GLI3: variants seen among roughly 807,000 people sequenced by gnomAD.
The protein encoded by GLI3 is transcription activator GLI3.
In GLI3, 20 loss-of-function variants were observed where a neutral mutation model predicts 100.8. The observed-to-expected ratio is 0.20, with a 90% confidence interval of 0.14 to 0.29. The LOEUF (loss-of-function observed/expected upper bound fraction) is 0.29, where lower values mean the gene tolerates loss of function less well. Among genes scored for constraint, GLI3 ranks in the 10% least tolerant of loss-of-function variants. The pLI is 1.00. For missense variants in GLI3, 2,040 were observed against 2,128.5 expected (o/e 0.96, Z 0.82); for synonymous variants, 938 against 860.5 (o/e 1.09, Z -1.58).
At chr7:42,175,415 C>G (rs1249541873) in intron 2 of GLI3, among the ~76,000 whole-genome samples, 1 of 152,096 alleles carries the variant, frequency 6.6e-6, no homozygotes, top group Admixed American at 6.5e-5. Flanking sequence ...GTCAGGAGTT[C>G]GAGACCAGCC....
chr7:42,191,523 A>C (rs1364302479), intron 2 of GLI3, among the ~76,000 whole-genome samples: 2 of 152,038 alleles, frequency 1.3e-5, no homozygotes, highest in African/African-American at 2.4e-5. Flanking sequence ...ATGTTGGTGC[A>C]TGCCTGTAAT....
intron 3 of GLI3, among the ~76,000 whole-genome samples, chr7:42,123,875 G>T (rs1266959474): frequency 6.6e-6 from 1 of 152,154 alleles, no homozygotes; most frequent in East Asian, 1.9e-4. Context: ...CAGAACCTAA[G>T]ATCCAGTTCT....
intron 4 of GLI3, among the ~76,000 whole-genome samples, chr7:42,076,037 A>G (rs1456115252): frequency 6.6e-6 from 1 of 152,224 alleles, no homozygotes; most frequent in Admixed American, 6.5e-5. Context: ...TTAGCAAGGG[A>G]CAGCCCATCC....
upstream of GLI3, among the ~76,000 whole-genome samples, chr7:42,238,600 C>A (rs1788884621): frequency 6.6e-6 from 1 of 152,228 alleles, no homozygotes; most frequent in Non-Finnish European, 1.5e-5. Context: ...TAACGTGCCG[C>A]TTTTCCTTGA....
chr7:42,120,106 G>A (rs528841206), intron 3 of GLI3, among the ~76,000 whole-genome samples: 13 of 152,210 alleles, frequency 8.5e-5, no homozygotes, highest in Non-Finnish European at 1.5e-4. Context: ...GATGATAATT[G>A]TGTGGAGTGG....
chr7:42,158,774 T>C (rs1309208385), intron 2 of GLI3, among the ~76,000 whole-genome samples: 4 of 152,152 alleles, frequency 2.6e-5, no homozygotes, highest in Non-Finnish European at 1.5e-5. Context: ...ACAGGCGTGA[T>C]GTGAGCCACC....
intron 2 of GLI3, chr7:42,222,880 G>A (rs972813279): frequency 2.4e-5 from 11 of 451,692 alleles, no homozygotes; most frequent in Non-Finnish European, 4.5e-5. Context: ...AGGAACTTCT[G>A]ATAATAAATA....
chr7:42,128,930 C>T (rs1786202137), intron 3 of GLI3, among the ~76,000 whole-genome samples: 1 of 152,134 alleles, frequency 6.6e-6, no homozygotes, highest in Non-Finnish European at 1.5e-5. Flanking sequence ...CAGAGGTGGG[C>T]CTGGGTCTTA....
Position 41,964,153 on chromosome 7 carries a change from C to T in GLI3, c.*177G>A. The T allele has an allele frequency of 1.9e-6, 1 of 514,354 alleles. No individual in the cohort carries two copies. The highest frequency in any genetic ancestry group is 3.2e-5 in the Admixed American group (1 of 31,404). 31.9% of individuals were successfully genotyped at this position (514,354 alleles called of 1,614,324 possible). Reference sequence around the variant, plus strand: ...TGGAAGACAGTTTCTCCCTAGAATACTTTAGGGTTTTTCAGAGTCCTTTTC... The same window carrying T: ...TGGAAGACAGTTTCTCCCTAGAATATTTTAGGGTTTTTCAGAGTCCTTTTC... On this transcript the variant is annotated 3_prime_UTR_variant, in exon 15 of 15. Transcript: ENST00000395925.
At chr7:42,049,250 CA>C (rs1332215054) in intron 4 of GLI3, among the ~76,000 whole-genome samples, 1 of 152,222 alleles carries the variant, frequency 6.6e-6, no homozygotes, top group African/African-American at 2.4e-5. Context: ...AGACCCATTG[CA>C]AAAGTCTGCT....
rs1583586009 is a variant in GLI3, at chr7:42,132,962, C to A, written c.367+15264G>T. On this transcript the variant is annotated intron_variant, in intron 3 of 14. Coordinates refer to ENST00000395925, the MANE Select transcript of GLI3 (RefSeq NM_000168.6). ...CTTCACCTACCACCCTATCAATAAT[C>A]ATTTGCTTCAAATCTTTGCACATCA... 4.6e-5 allele frequency among the ~76,000 whole-genome samples: 7 copies of A among 152,104 alleles called. No homozygotes were observed. The South Asian group carries it at 1.2e-3, about 27-fold the overall frequency.
At chr7:42,098,582 G>C (rs997501992) in intron 3 of GLI3, among the ~76,000 whole-genome samples, 2 of 151,996 alleles carry the variant, frequency 1.3e-5, no homozygotes, top group African/African-American at 2.4e-5. Context: ...TAAACCTACT[G>C]GTCATTTTAG....
At chr7:42,113,341 C>G in intron 3 of GLI3, 1 of 639,558 alleles carries the variant, frequency 1.6e-6, no homozygotes, top group Non-Finnish European at 2.9e-6. Flanking sequence ...CCAGCACCTA[C>G]GTCCCGTCGC....
chr7:42,203,312 C>T lies in GLI3; in HGVS notation c.124+19818G>A, dbSNP rs770215787. Among the ~76,000 whole-genome samples, 177 of 152,244 alleles carry T rather than the reference C, an allele frequency of 1.2e-3. 1 individual carries two copies. Among genetic ancestry groups the T allele is most frequent in the Non-Finnish European group, 1.8e-3 (123 of 68,030 alleles). On this transcript the variant is annotated intron_variant, in intron 2 of 14. Coordinates refer to ENST00000395925, the MANE Select transcript of GLI3 (RefSeq NM_000168.6). ...GGGTCATTAACTATAGTTACCATGCCGTACAATAGCTCTGTTGAACTTATT... is the reference window on the plus strand; with the variant it reads ...GGGTCATTAACTATAGTTACCATGCTGTACAATAGCTCTGTTGAACTTATT...
At chr7:41,980,451 C>G (rs1787630479) in intron 10 of GLI3, among the ~76,000 whole-genome samples, 2 of 152,296 alleles carry the variant, frequency 1.3e-5, no homozygotes, top group South Asian at 2.1e-4. Context: ...TCACATCTTA[C>G]AGAGGGGTTC....
chr7:42,096,188 G>A (rs561812222), intron 3 of GLI3, among the ~76,000 whole-genome samples: 11 of 152,320 alleles, frequency 7.2e-5, no homozygotes, highest in African/African-American at 2.6e-4. Context: ...GGCCAGAAGT[G>A]CTGTGTGGAT....
At chr7:42,199,018 A>G (rs1787986241) in intron 2 of GLI3, among the ~76,000 whole-genome samples, 1 of 151,722 alleles carries the variant, frequency 6.6e-6, no homozygotes, top group Non-Finnish European at 1.5e-5. Context: ...AAAATTTATT[A>G]TGATGATAGA....
intron 5 of GLI3, among the ~76,000 whole-genome samples, chr7:42,045,974 C>T (rs10241030): frequency 0.069 from 10,470 of 152,206 alleles, 516 homozygotes; most frequent in Non-Finnish European, 0.1. Flanking sequence ...TCTGAGTTAA[C>T]TCTCACTCAC....
chr7:42,225,793 C>T (rs1788570114), intron 1 of GLI3, among the ~76,000 whole-genome samples: 1 of 152,150 alleles, frequency 6.6e-6, no homozygotes, highest in African/African-American at 2.4e-5. Context: ...ACAAACCTAT[C>T]CTAGCACCCA....
Sources: allele counts gnomAD v4.1 joint callset (sites outside exome capture counted in the v4.1 genomes callset), GRCh38; gene constraint gnomAD v4.1.1; transcripts MANE v1.5; gene names NCBI Gene and HGNC (gene_info 2026-07-23, HGNC 2026-07-21).